The following PITPNC1 variants were observed in gnomAD, a reference collection of about 807,000 sequenced individuals.
PITPNC1 encodes the protein cytoplasmic phosphatidylinositol transfer protein 1.
In PITPNC1, 18 loss-of-function variants were observed where a neutral mutation model predicts 44.7. The ratio of observed to expected loss-of-function variants is 0.40; its 90% CI spans 0.28 to 0.60. The LOEUF is 0.60. Ranked by LOEUF, PITPNC1 falls within the 20% of genes least tolerant of loss-of-function variation. PITPNC1 has a pLI of 0.39. For missense variants in PITPNC1, 290 were observed against 418.4 expected (o/e 0.69, Z 2.68); for synonymous variants, 141 against 149.6 (o/e 0.94, Z 0.42).
At chr17:67,574,980 G>A (rs1326874834) in intron 4 of PITPNC1, among the ~76,000 whole-genome samples, 1 of 152,120 alleles carries the variant, frequency 6.6e-6, no homozygotes, top group Non-Finnish European at 1.5e-5. Context: ...TTGCATGGGA[G>A]TTTTGCATTT....
chr17:67,481,949 A>T (rs1450191253), intron 1 of PITPNC1, among the ~76,000 whole-genome samples: 4 of 152,228 alleles, frequency 2.6e-5, no homozygotes, highest in African/African-American at 9.6e-5. Flanking sequence ...AGGCTTAGAT[A>T]AATTGAAAGG....
chr17:67,686,323 A>C (rs2042815059), intron 8 of PITPNC1, among the ~76,000 whole-genome samples: 1 of 150,344 alleles, frequency 6.7e-6, no homozygotes, highest in Non-Finnish European at 1.5e-5. Context: ...ATGTCACAAA[A>C]TTGTCCCCCG....
intron 1 of PITPNC1, among the ~76,000 whole-genome samples, chr17:67,515,631 T>C (rs1407411426): frequency 6.6e-6 from 1 of 152,216 alleles, no homozygotes; most frequent in Non-Finnish European, 1.5e-5. Context: ...TGGAGCCGGC[T>C]GCCTTTACTG....
chr17:67,616,759 C>G (rs2041762918), intron 5 of PITPNC1, among the ~76,000 whole-genome samples: 1 of 152,182 alleles, frequency 6.6e-6, no homozygotes, highest in African/African-American at 2.4e-5. Context: ...ATCCTTTTTA[C>G]TCTTAGATCT....
intron 2 of PITPNC1, among the ~76,000 whole-genome samples, chr17:67,543,538 G>A (rs1189158359): frequency 6.6e-6 from 1 of 152,144 alleles, no homozygotes; most frequent in Non-Finnish European, 1.5e-5. Context: ...TCTCGCTGTA[G>A]TTTTCATTTG....
intron 7 of PITPNC1, among the ~76,000 whole-genome samples, chr17:67,673,966 C>CAAAAAAAAAA (rs34458518): frequency 1.2e-5 from 1 of 84,884 alleles, no homozygotes; most frequent in East Asian, 3.6e-4. Flanking sequence ...GACTCCGTCT[C>CAAAAAAAAAA]AAAAAAAAAA....
intron 1 of PITPNC1, among the ~76,000 whole-genome samples, chr17:67,510,949 TAA>T (rs895435232): frequency 2.0e-5 from 3 of 152,140 alleles, no homozygotes; most frequent in African/African-American, 4.8e-5. Flanking sequence ...ATGTTCCTTA[TAA>T]AAACTTCAAA....
rs78731478 is a variant in PITPNC1 at position 67,486,590 on chromosome 17, A to C, written c.49-46212A>C. The stretch of plus-strand genomic sequence containing the variant: ...AGCCTTGTAGAAATCACAAAGCATG[A>C]GTGATAGTTATAAGCAAAGAGGTCT... On this transcript the variant is annotated intron_variant, in intron 1 of 8. Coordinates refer to ENST00000581322, the MANE Select transcript of PITPNC1 (RefSeq NM_012417.4). Among the ~76,000 whole-genome samples, 922 of 152,262 alleles carry C rather than the reference A, an allele frequency of 6.1e-3. 7 individuals are homozygous for C. The highest frequency in any genetic ancestry group is 0.02 in the African/African-American group (850 of 41,548).
intron 1 of PITPNC1, among the ~76,000 whole-genome samples, chr17:67,386,675 C>T (rs2038058696): frequency 6.6e-6 from 1 of 152,120 alleles, no homozygotes; most frequent in Admixed American, 6.6e-5. Context: ...AAAAGTACAT[C>T]TAGGTTCATT....
chr17:67,402,456 C>A (rs531893282), intron 1 of PITPNC1, among the ~76,000 whole-genome samples: 2 of 152,146 alleles, frequency 1.3e-5, no homozygotes, highest in Non-Finnish European at 2.9e-5. Context: ...CTGCTGGCTG[C>A]TTCTGACAAG....
In PITPNC1 at chr17:67,429,025, G is replaced by T. The variant is rs2038816353; in HGVS notation, c.48+50823G>T. Reference sequence around the variant, plus strand: ...CCTGGCTAATTTTGTATTTTTAGTAGAGACGGGGTTTCTCCATGTTGGTCA... The same window carrying T: ...CCTGGCTAATTTTGTATTTTTAGTATAGACGGGGTTTCTCCATGTTGGTCA... On this transcript the variant is annotated intron_variant, in intron 1 of 8. Transcript: ENST00000581322. Among the ~76,000 whole-genome samples, 4 of 151,376 alleles carry T rather than the reference G, an allele frequency of 2.6e-5. 1 individual carries two copies. In the South Asian group the frequency reaches 8.3e-4, roughly 31 times the overall value.
intron 1 of PITPNC1, among the ~76,000 whole-genome samples, chr17:67,453,440 C>G (rs766347875): frequency 6.6e-6 from 1 of 152,110 alleles, no homozygotes; most frequent in African/African-American, 2.4e-5. Context: ...TGGGAGAGAA[C>G]CAGCTGGGTT....
intron 2 of PITPNC1, among the ~76,000 whole-genome samples, chr17:67,539,693 C>T (rs535095778): frequency 8.5e-5 from 13 of 152,130 alleles, no homozygotes; most frequent in African/African-American, 3.1e-4. Flanking sequence ...TAAAAATTGG[C>T]CGGGCGTGGT....
intron 1 of PITPNC1, among the ~76,000 whole-genome samples, chr17:67,481,438 G>A (rs1203975315): frequency 6.6e-6 from 1 of 152,216 alleles, no homozygotes; most frequent in Non-Finnish European, 1.5e-5. Flanking sequence ...ATAGCTCTGT[G>A]CTATGGAGAA....
chr17:67,522,002 C>A (rs2040330963), intron 1 of PITPNC1, among the ~76,000 whole-genome samples: 1 of 152,026 alleles, frequency 6.6e-6, no homozygotes, highest in African/African-American at 2.4e-5. Context: ...CCAGAATGGT[C>A]ATATATTAAA....
At chr17:67,480,927 C>G (rs572049471) in intron 1 of PITPNC1, among the ~76,000 whole-genome samples, 1 of 152,226 alleles carries the variant, frequency 6.6e-6, no homozygotes, top group Non-Finnish European at 1.5e-5. Flanking sequence ...AAATCTCAGG[C>G]TGGGTACTGT....
At position 67,378,107 on chromosome 17, in the gene PITPNC1, G is replaced by T; in HGVS notation, c.-48G>T. 1 of 1,417,034 alleles carries T rather than the reference G, an allele frequency of 7.1e-7. No individual in the cohort carries two copies. Among genetic ancestry groups the T allele is most frequent in the South Asian group, 1.3e-5 (1 of 77,488 alleles). 87.8% of individuals were successfully genotyped at this position (1,417,034 alleles called of 1,614,324 possible). ...CCTGGGCAGCAGCCTTGCTGGTCTT[G>T]GGGGCGCCCCCCGCTTCCCGCCCCG... On this transcript the variant is annotated 5_prime_UTR_variant, in exon 1 of 9. Transcript: ENST00000581322.
At chr17:67,519,184 T>G (rs2040295562) in intron 1 of PITPNC1, among the ~76,000 whole-genome samples, 1 of 146,288 alleles carries the variant, frequency 6.8e-6, no homozygotes, top group South Asian at 2.3e-4. Flanking sequence ...TTTTTTTTTT[T>G]TTTTTTTTTT....
At chr17:67,490,251 A>T (rs1167888831) in intron 1 of PITPNC1, among the ~76,000 whole-genome samples, 2 of 149,492 alleles carry the variant, frequency 1.3e-5, no homozygotes, top group African/African-American at 4.9e-5. Context: ...GAATGAGGAG[A>T]CCTGGGTCAT....
Sources: gnomAD v4.1 joint callset for allele counts (sites outside exome capture counted in the v4.1 genomes callset) on GRCh38, gnomAD v4.1.1 for gene constraint, MANE v1.5 for transcripts, NCBI Gene and HGNC (gene_info 2026-07-23, HGNC 2026-07-21) for gene names.